ANO10: variants seen among roughly 807,000 people sequenced by gnomAD.
ANO10 encodes anoctamin-10.
ANO10 carries 77 observed loss-of-function variants against 74.7 expected under a neutral mutation model. The ratio of observed to expected loss-of-function variants is 1.03; its 90% CI spans 0.86 to 1.25. The LOEUF is 1.25. ANO10 is among the 50% of genes most tolerant of loss of function. The pLI is 0.00. For synonymous variants in ANO10, 279 were observed against 284.9 expected (o/e 0.98, Z 0.21); for missense variants, 721 against 778.1 (o/e 0.93, Z 0.87).
At chr3:43,485,300 C>A in intron 11 of ANO10, 1 of 574,298 alleles carries the variant, frequency 1.7e-6, no homozygotes, top group Non-Finnish European at 3.1e-6. Flanking sequence ...AGACCCGCTG[C>A]TGACTTCCAT....
intron 11 of ANO10, among the ~76,000 whole-genome samples, chr3:43,541,483 CT>C (rs1473250215): frequency 2.0e-5 from 3 of 152,048 alleles, no homozygotes; most frequent in Non-Finnish European, 4.4e-5. Flanking sequence ...TATAGTTTGC[CT>C]TTTCTTATAA....
chr3:43,530,818 G>A (rs2149247737), intron 11 of ANO10, among the ~76,000 whole-genome samples: 1 of 152,200 alleles, frequency 6.6e-6, no homozygotes, highest in South Asian at 2.1e-4. Context: ...ACTATCTATT[G>A]CTTCAGGCAT....
intron 1 of ANO10, among the ~76,000 whole-genome samples, chr3:43,675,906 T>C (rs2084115334): frequency 6.6e-6 from 1 of 152,210 alleles, no homozygotes; most frequent in South Asian, 2.1e-4. Context: ...ACCCAGCAAT[T>C]GTACTCTTTG....
At chr3:43,394,707 G>A (rs1438061257) in intron 12 of ANO10, among the ~76,000 whole-genome samples, 6 of 152,206 alleles carry the variant, frequency 3.9e-5, no homozygotes, top group Non-Finnish European at 8.8e-5. Flanking sequence ...CAGTGGTTAA[G>A]AGAAGGCCAC....
chr3:43,383,404 A>G (rs1284017367), intron 12 of ANO10, among the ~76,000 whole-genome samples: 1 of 148,406 alleles, frequency 6.7e-6, no homozygotes, highest in Non-Finnish European at 1.5e-5. Flanking sequence ...CAGTGAGCCG[A>G]GACTGTGCCA....
intron 11 of ANO10, among the ~76,000 whole-genome samples, chr3:43,500,250 T>C (rs956033077): frequency 2.0e-5 from 3 of 152,228 alleles, no homozygotes; most frequent in African/African-American, 7.2e-5. Flanking sequence ...AATCCTCTTA[T>C]GTGGCCTCAG....
intron 4 of ANO10, among the ~76,000 whole-genome samples, chr3:43,594,480 T>C (rs2081974805): frequency 6.6e-6 from 1 of 152,168 alleles, no homozygotes; most frequent in African/African-American, 2.4e-5. Flanking sequence ...CTCAGCTACA[T>C]AGAAACTGAA....
chr3:43,541,006 T>C (rs1230018610), intron 11 of ANO10, among the ~76,000 whole-genome samples: 1 of 152,050 alleles, frequency 6.6e-6, no homozygotes, highest in African/African-American at 2.4e-5. Flanking sequence ...ATGGAAAGAC[T>C]AGTAAATTCC....
In ANO10 at chr3:43,690,994, T is replaced by TGGC. The variant is rs777623318; in HGVS notation, c.-12+520_-12+522dup. The TGGC allele has an allele frequency of 1.2e-4, 188 of 1,571,978 alleles. No homozygotes were observed. The highest frequency in any genetic ancestry group is 1.5e-4 in the Non-Finnish European group (178 of 1,162,444). On this transcript the variant is annotated intron_variant, in intron 1 of 3. Coordinates refer to the ANO10 transcript ENST00000413397. ...CCCGGCGCTTGCGCGGCGGCGGCTA[T>TGGC]GGCGGCGGAGGAGGAGGAGGTGGAC... is the stretch of plus-strand genomic sequence containing the variant.
At chr3:43,505,432 T>C (rs943556241) in intron 11 of ANO10, among the ~76,000 whole-genome samples, 14 of 152,224 alleles carry the variant, frequency 9.2e-5, no homozygotes, top group African/African-American at 3.1e-4. Context: ...GTAAATCGAC[T>C]AAGAAGCATG....
chr3:43,430,313 CT>C (rs535916109), intron 12 of ANO10, among the ~76,000 whole-genome samples: 70 of 139,304 alleles, frequency 5.0e-4, no homozygotes, highest in East Asian at 1.1e-3. Flanking sequence ...TTTACTTTAT[CT>C]TTTTTTTTTT....
rs1056714091 is a variant in ANO10 at position 43,607,231 on chromosome 3, G to A, written c.-11-1368C>T. Among the ~76,000 whole-genome samples, 4 of 151,826 alleles carry A rather than the reference G, an allele frequency of 2.6e-5. No homozygotes were observed. In the South Asian group the frequency reaches 6.2e-4, roughly 24 times the overall value. On this transcript the variant is annotated intron_variant, in intron 1 of 12. Transcript: ENST00000292246. ...CAAAAAGCCAACTAAGCTGGACATG[G>A]TGGCTTACACCTGTAATCCCAGCTA... is the stretch of plus-strand genomic sequence containing the variant.
chr3:43,480,979 A>ATAATTGTACAATAATACAATTAC (rs2076246778), intron 11 of ANO10, among the ~76,000 whole-genome samples: 1 of 150,326 alleles, frequency 6.7e-6, no homozygotes, highest in Non-Finnish European at 1.5e-5. Flanking sequence ...TTATTGTATA[A>ATAATTGTACAATAATACAATTAC]TAATTGTATA....
chr3:43,535,680 C>T (rs1284033144), intron 11 of ANO10, among the ~76,000 whole-genome samples: 1 of 152,092 alleles, frequency 6.6e-6, no homozygotes, highest in Non-Finnish European at 1.5e-5. Context: ...ACAGTGTGGG[C>T]CACAGTTAGA....
At chr3:43,690,741 G>A (rs569561114) in intron 1 of ANO10, 1 of 426,428 alleles carries the variant, frequency 2.3e-6, no homozygotes, top group Non-Finnish European at 4.1e-6. Flanking sequence ...TGGGCTGACT[G>A]TCCCGCCCCG....
rs779190429 is a variant in ANO10, at chr3:43,577,246, T to C, written c.608A>G (p.Tyr203Cys). The C allele has an allele frequency of 3.1e-6, 5 of 1,614,016 alleles. No individual in the cohort carries two copies. The highest frequency in any genetic ancestry group is 1.6e-4 in the Middle Eastern group (1 of 6,062). The change falls in exon 6 of 13, where the codon TAC (tyrosine) becomes TGC (cysteine). Residue 203 changes from tyrosine to cysteine, a missense_variant. Transcript: ENST00000292246. ...KYQPIDSIRG[Y>C]FGETIALYFG... is the part of the protein sequence containing the mutation. ...GTACAGAGCAATTGTTTCCCCAAAGTAGCCACGAATACTGTCTATAGTGGA... is the reference window on the plus strand; with the variant it reads ...GTACAGAGCAATTGTTTCCCCAAAGCAGCCACGAATACTGTCTATAGTGGA...
chr3:43,528,593 A>G (rs1000378450), intron 11 of ANO10, among the ~76,000 whole-genome samples: 1 of 152,150 alleles, frequency 6.6e-6, no homozygotes, highest in South Asian at 2.1e-4. Flanking sequence ...TGAAAATATA[A>G]TAAGGGACAC....
chr3:43,670,950 C>A (rs1026921169), intron 1 of ANO10, among the ~76,000 whole-genome samples: 1 of 152,182 alleles, frequency 6.6e-6, no homozygotes. Context: ...GGGATAGTCA[C>A]TGCCATCATG....
intron 4 of ANO10, among the ~76,000 whole-genome samples, chr3:43,594,340 A>C (rs1460897454): frequency 1.3e-5 from 2 of 152,220 alleles, no homozygotes; most frequent in Non-Finnish European, 2.9e-5. Flanking sequence ...ACTTATTCCA[A>C]AATTGACCAC....
Sources: gnomAD v4.1 joint callset for allele counts (sites outside exome capture counted in the v4.1 genomes callset) on GRCh38, gnomAD v4.1.1 for gene constraint, MANE v1.5 for transcripts, NCBI Gene and HGNC (gene_info 2026-07-23, HGNC 2026-07-21) for gene names.